The following PABIR2 variants were observed in gnomAD, a reference collection of about 807,000 sequenced individuals.
PABIR2 encodes family with sequence similarity 122B.
A neutral mutation model predicts 22.8 loss-of-function variants in PABIR2; 7 were observed. That is an observed-to-expected ratio of 0.31 (90% CI 0.17 to 0.58). The LOEUF (loss-of-function observed/expected upper bound fraction) is 0.58. Among genes scored for constraint, PABIR2 ranks in the 20% least tolerant of loss-of-function variants. The pLI is 0.89. For synonymous variants in PABIR2, 67 were observed against 73.8 expected (o/e 0.91, Z 0.47); for missense variants, 155 against 205.1 (o/e 0.76, Z 1.49).
At chrX:134,793,738 A>G (rs2079618025) in intron 2 of PABIR2, 77 bp downstream of exon 2, 1 of 1,061,555 alleles carries the variant, frequency 9.4e-7, no homozygotes, top group African/African-American at 1.8e-5. Flanking sequence ...TGCATAGCAC[A>G]TCATTTTAAG....
Position 134,781,831 on chromosome X carries a change from G to A in PABIR2, c.649C>T (p.Leu217Phe). The A allele has an allele frequency of 8.4e-7, 1 of 1,192,985 alleles. No homozygotes were observed. Among genetic ancestry groups the A allele is most frequent in the Non-Finnish European group, 1.1e-6 (1 of 883,843 alleles). ...ATTTCATTTTTTTACCATGAACTGAGATCAGACAGTTGCGCGGCATCTGGA... is the reference window on the plus strand; with the variant it reads ...ATTTCATTTTTTTACCATGAACTGAAATCAGACAGTTGCGCGGCATCTGGA... ...LSPDAAQLSD[L>F]SSCSDILDGS... The change falls in exon 9 of 10, where the codon CTC (leucine) becomes TTC (phenylalanine). Residue 217 changes from leucine to phenylalanine, a missense_variant. Coordinates refer to ENST00000343004, the MANE Select transcript of PABIR2 (RefSeq NM_001387468.1).
At chrX:134,795,257 T>C (rs1006989095) in intron 1 of PABIR2, among the ~76,000 whole-genome samples, 2 of 112,057 alleles carry the variant, frequency 1.8e-5, no homozygotes, top group Non-Finnish European at 3.8e-5. Flanking sequence ...GCCTTCACTG[T>C]GCTTGATTAA....
At chrX:134,772,573 C>A (rs999827553) in intron 9 of PABIR2, among the ~76,000 whole-genome samples, 4 of 110,464 alleles carry the variant, frequency 3.6e-5, no homozygotes, top group African/African-American at 1.3e-4. Context: ...GAGGGAGTTC[C>A]TTCACTTCAC....
chrX:134,794,922 G>A (rs757268259), intron 1 of PABIR2, among the ~76,000 whole-genome samples: 16 of 112,197 alleles, frequency 1.4e-4, no homozygotes, highest in Non-Finnish European at 2.8e-4. Context: ...GTCACATCAT[G>A]CTGTGTTTTC....
chrX:134,796,037 G>A (rs1386023548), intron 1 of PABIR2, 71 bp downstream of exon 1: 2 of 1,039,381 alleles, frequency 1.9e-6, no homozygotes, highest in Non-Finnish European at 2.7e-6. Flanking sequence ...GCACTTTAAG[G>A]AAGGAAGATT....
At chrX:134,786,048 C>T in intron 7 of PABIR2, 98 bp from the exon 8 acceptor site, 1 of 772,670 alleles carries the variant, frequency 1.3e-6, no homozygotes, top group Non-Finnish European at 1.9e-6. Flanking sequence ...AATGGACAAT[C>T]TTATCAATGA....
In PABIR2 at chrX:134,784,685, C is replaced by G. The variant is rs779093872; in HGVS notation, c.562+1201G>C. Among the ~76,000 whole-genome samples the G allele has an allele frequency of 3.1e-4, 34 of 110,260 alleles. No homozygotes were observed. In the South Asian group the frequency reaches 0.013, roughly 43 times the overall value. ...TAGAGACGTGGTTTTGCCATGTTGC[C>G]TAGGCTGGTCTCAAACTCCTGAGCT... On this transcript the variant is annotated intron_variant, in intron 8 of 9. Coordinates refer to ENST00000343004, the MANE Select transcript of PABIR2 (RefSeq NM_001387468.1).
At chrX:134,792,682 G>A (rs1199711349) in intron 2 of PABIR2, among the ~76,000 whole-genome samples, 2 of 112,210 alleles carry the variant, frequency 1.8e-5, no homozygotes, top group African/African-American at 6.5e-5. Context: ...GTGCGATTCT[G>A]AGCAAGTGAC....
At chrX:134,792,997 C>T (rs1376048198) in intron 2 of PABIR2, among the ~76,000 whole-genome samples, 1 of 111,834 alleles carries the variant, frequency 8.9e-6, no homozygotes, top group Non-Finnish European at 1.9e-5. Context: ...TTCAGTTTTT[C>T]CCTCTCCTCC....
At chrX:134,783,957 C>A (rs2079226819) in intron 8 of PABIR2, among the ~76,000 whole-genome samples, 1 of 107,574 alleles carries the variant, frequency 9.3e-6, no homozygotes, top group Non-Finnish European at 1.9e-5. Context: ...CCTGTAATCC[C>A]AGGTACTTGG....
chrX:134,785,598 C>A (rs1034949826), intron 8 of PABIR2, among the ~76,000 whole-genome samples: 2 of 110,320 alleles, frequency 1.8e-5, no homozygotes, highest in South Asian at 7.8e-4. Context: ...CCTGCCACCA[C>A]GCCCAGCTAA....
intron 8 of PABIR2, among the ~76,000 whole-genome samples, chrX:134,782,516 GA>G (rs1007322899): frequency 9.0e-6 from 1 of 111,014 alleles, no homozygotes; most frequent in African/African-American, 3.2e-5. Context: ...GATCTTCTCA[GA>G]ATTGCTAATA....
Position 134,769,881 on chromosome X carries a change from A to G in PABIR2, c.*2258T>C, listed in dbSNP as rs899044561. The stretch of plus-strand genomic sequence containing the variant: ...TAACAAAGTTCATCTGTGAGTTAGC[A>G]TATCTCTTTATTTCAAAACAATCCC... On this transcript the variant is annotated 3_prime_UTR_variant, in exon 10 of 10. Transcript: ENST00000343004. 3 of 112,139 alleles carry G rather than the reference A, an allele frequency of 2.7e-5. No individual in the cohort carries two copies. The highest frequency in any genetic ancestry group is 3.7e-4 in the South Asian group (1 of 2,682). 9.2% of individuals were successfully genotyped at this position (112,139 alleles called of 1,213,427 possible).
Position 134,796,422 on chromosome X carries a change from G to C in PABIR2, c.-217C>G, listed in dbSNP as rs138717311. 656 of 389,427 alleles carry C rather than the reference G, an allele frequency of 1.7e-3. 13 individuals are homozygous for C. The East Asian group carries it at 0.027, about 16-fold the overall frequency. 32.1% of individuals were successfully genotyped at this position (389,427 alleles called of 1,213,427 possible). A position where few individuals can be genotyped will look rare whatever the true frequency, so the allele number is the denominator to read the frequency against. ...TGATGATGAGGAAGGGAGGATGATG[G>C]TGAGGCAGGAGAGGAGGACGAAGAG... is the stretch of plus-strand genomic sequence containing the variant. On this transcript the variant is annotated 5_prime_UTR_variant, in exon 1 of 10. Coordinates refer to ENST00000343004, the MANE Select transcript of PABIR2 (RefSeq NM_001387468.1).
Position 134,789,212 on chromosome X carries a change from A to G in PABIR2, c.278+11T>C, listed in dbSNP as rs776404895. The G allele has an allele frequency of 1.6e-6, 2 of 1,212,183 alleles. No homozygotes were observed. The highest frequency in any genetic ancestry group is 2.2e-6 in the Non-Finnish European group (2 of 895,585). On this transcript the variant is annotated intron_variant, in intron 4 of 9. Transcript: ENST00000343004. The stretch of plus-strand genomic sequence containing the variant: ...TTATTAGGCTAGGCCCTGCTCTTGC[A>G]AAGCACTAACCTTTCATGTGCAGTT...
At chrX:134,772,362 G>A in intron 9 of PABIR2, 79 bp from the exon 10 acceptor site, 1 of 963,270 alleles carries the variant, frequency 1.0e-6, no homozygotes, top group African/African-American at 1.9e-5. Flanking sequence ...AGTTTCAAGA[G>A]CTCACAAATC....
intron 6 of PABIR2, among the ~76,000 whole-genome samples, chrX:134,788,516 TTA>T (rs1399350257): frequency 1.2e-4 from 13 of 105,435 alleles, no homozygotes; most frequent in Non-Finnish European, 2.1e-4. Context: ...ATGTAATATG[TTA>T]TATATATGTA....
At chrX:134,787,665 GAGTGC>G in intron 6 of PABIR2, 132 bp from the exon 7 acceptor site, 1 of 577,606 alleles carries the variant, frequency 1.7e-6, no homozygotes, top group African/African-American at 2.6e-5. Context: ...GCTCAAGCTG[GAGTGC>G]AGTGATGCGA....
chrX:134,786,061 G>A (rs1261590519), intron 7 of PABIR2, 111 bp from the exon 8 acceptor site: 1 of 705,993 alleles, frequency 1.4e-6, no homozygotes, highest in Non-Finnish European at 2.2e-6. Flanking sequence ...ATCAATGACT[G>A]AAATGGAAAA....
Sources: allele counts gnomAD v4.1 joint callset (sites outside exome capture counted in the v4.1 genomes callset), GRCh38; gene constraint gnomAD v4.1.1; transcripts MANE v1.5; gene names NCBI Gene and HGNC (gene_info 2026-07-23, HGNC 2026-07-21).